The following PLEKHG4B variants were observed in gnomAD, a reference collection of about 807,000 sequenced individuals.
PLEKHG4B encodes pleckstrin homology domain-containing family G member 4B.
In PLEKHG4B, 111 loss-of-function variants were observed where a neutral mutation model predicts 121.3. The observed-to-expected ratio is 0.92, with a 90% CI of 0.78 to 1.07. The LOEUF (loss-of-function observed/expected upper bound fraction) is 1.07, where lower values mean the gene tolerates loss of function less well. PLEKHG4B is among the 50% of genes least tolerant of loss of function. PLEKHG4B has a pLI of 0.00. For synonymous variants in PLEKHG4B, 738 were observed against 725.0 expected (o/e 1.02, Z -0.29); for missense variants, 1,831 against 1,757.8 (o/e 1.04, Z -0.74).
intron 2 of PLEKHG4B, among the ~76,000 whole-genome samples, chr5:126,508 A>G (rs11738334): frequency 0.065 from 9,910 of 152,262 alleles, 452 homozygotes; most frequent in Non-Finnish European, 0.091. Context: ...TCTACTATCA[A>G]GTCTTTTCCA....
chr5:117,871 A>G (rs1240775345), intron 2 of PLEKHG4B, among the ~76,000 whole-genome samples: 1 of 152,200 alleles, frequency 6.6e-6, no homozygotes, highest in African/African-American at 2.4e-5. Flanking sequence ...AAAAACGTTT[A>G]GGGAAAAGTA....
chr5:124,483 A>G (rs1229072494), intron 2 of PLEKHG4B, among the ~76,000 whole-genome samples: 1 of 152,202 alleles, frequency 6.6e-6, no homozygotes, highest in African/African-American at 2.4e-5. Context: ...ACAGTGAGGT[A>G]TTGAAGTCTC....
intron 6 of PLEKHG4B, among the ~76,000 whole-genome samples, chr5:147,826 T>C (rs532800804): frequency 6.6e-6 from 1 of 152,272 alleles, no homozygotes; most frequent in East Asian, 1.9e-4. Flanking sequence ...TGAAGGTTGA[T>C]GCCAAAATCA....
chr5:176,000 C>T (rs1301156483), intron 18 of PLEKHG4B, among the ~76,000 whole-genome samples: 2 of 112,434 alleles, frequency 1.8e-5, no homozygotes, highest in East Asian at 2.3e-4. Flanking sequence ...GGCTCCTGCA[C>T]GGCTGCACCC....
chr5:109,340 T>C (rs1734067127), intron 1 of PLEKHG4B, among the ~76,000 whole-genome samples: 2 of 139,740 alleles, frequency 1.4e-5, no homozygotes. Flanking sequence ...GAGGTTGCAG[T>C]GAGCCTAGAT....
At position 159,252 on chromosome 5, in the gene PLEKHG4B, T is replaced by C. The variant is rs419956; in HGVS notation, c.2487+2341T>C. Among the ~76,000 whole-genome samples the C allele has an allele frequency of 1.3e-5, 2 of 149,452 alleles. No homozygotes were observed. Among genetic ancestry groups the C allele is most frequent in the Non-Finnish European group, 3.0e-5 (2 of 67,578 alleles). ...CAGGTGCACTGAGGGCAGGTGTGCC[T>C]GAGGGTCGCCCAGGTGCACTGAGGG... On this transcript the variant is annotated intron_variant, in intron 11 of 19. Transcript: ENST00000637938. The surrounding 1 kb of genome is among the most constrained non-coding windows in gnomAD (Gnocchi z 5.5).
At chr5:118,798 T>TTATA (rs149558716) in intron 2 of PLEKHG4B, among the ~76,000 whole-genome samples, 1 of 151,076 alleles carries the variant, frequency 6.6e-6, no homozygotes, top group Non-Finnish European at 1.5e-5. Context: ...TTGTCATATA[T>TTATA]TATATATATA....
rs7717970 is a variant in PLEKHG4B, at chr5:181,545, T to G, written c.4434T>G (p.Gly1478=). 0.63 allele frequency: 1,009,355 copies of G among 1,613,458 alleles called. 324,606 individuals carry two copies. The highest frequency in any genetic ancestry group is 0.67 in the Non-Finnish European group (789,112 of 1,179,592). ...ELRIQEMASM[G]IGNQPFMDVK... ...GAATCCAAGAAATGGCATCCATGGG[T>G]ATAGGCAACCAGCCATTCATGGATG... The change falls in exon 19 of 20, where the codon GGT becomes GGG. Residue 1478 remains glycine, a synonymous_variant. Transcript: ENST00000637938.
chr5:163,496 T>TC lies in PLEKHG4B; in HGVS notation c.3429dup (p.Ser1144LeufsTer7), dbSNP rs772507185. 1.2e-6 allele frequency: 2 copies of TC among 1,611,808 alleles called. No homozygotes were observed. Among genetic ancestry groups the TC allele is most frequent in the East Asian group, 2.2e-5 (1 of 44,854 alleles). ...GGTCACTCAGAGCCGGAGTCTGTCC[T>TC]CCCCCTCGGGGCTCCACCCTGCTGA... On this transcript the variant is annotated frameshift_variant, in exon 13 of 20. Transcript: ENST00000637938. LOFTEE classifies it high-confidence loss of function.
At chr5:154,471 CAAT>C in intron 7 of PLEKHG4B, among the ~76,000 whole-genome samples, 1 of 152,308 alleles carries the variant, frequency 6.6e-6, no homozygotes, top group East Asian at 1.9e-4. Context: ...GGTGCCCCAA[CAAT>C]GAGCCTGACT....
rs1176489832 is a variant in PLEKHG4B, at chr5:171,085, C to T, written c.3772C>T (p.Pro1258Ser). The T allele has an allele frequency of 6.2e-7, 1 of 1,613,400 alleles. No homozygotes were observed. ...GTACGTGATCTACAGCAAAAACAAG[C>T]CGCAGTCGGATGCCCTGCTCAGCAG... ...GMYVIYSKNK[P>S]QSDALLSSHG... The change falls in exon 15 of 20, where the codon CCG becomes TCG. Residue 1258 changes from proline (P) to serine (S), a missense_variant. Coordinates refer to ENST00000637938, the MANE Select transcript of PLEKHG4B (RefSeq NM_052909.5).
intron 2 of PLEKHG4B, among the ~76,000 whole-genome samples, chr5:124,891 T>G (rs1266734886): frequency 6.6e-6 from 1 of 152,158 alleles, no homozygotes; most frequent in Non-Finnish European, 1.5e-5. Context: ...CCCAGCAGTT[T>G]GGGAGGCCAA....
rs557661878 is a variant in PLEKHG4B, at chr5:157,717, T to C, written c.2487+806T>C. On this transcript the variant is annotated intron_variant, in intron 11 of 19. Transcript: ENST00000637938. The surrounding 1 kb of genome is among the most constrained non-coding windows in gnomAD (Gnocchi z 4.6). ...AAGGGGTGCACACTCAGATAAAAAG[T>C]TTCTTTCTTTTCTCACATATAAACT... Among the ~76,000 whole-genome samples the C allele has an allele frequency of 6.6e-6, 1 of 152,320 alleles. No homozygotes were observed. The highest frequency in any genetic ancestry group is 2.4e-5 in the African/African-American group (1 of 41,576).
chr5:168,126 C>T (rs1408801257), intron 13 of PLEKHG4B, among the ~76,000 whole-genome samples: 1 of 152,202 alleles, frequency 6.6e-6, no homozygotes, highest in African/African-American at 2.4e-5. Flanking sequence ...GAGCCCACAT[C>T]TCCTGCAGAT....
rs777931749 is a variant in PLEKHG4B, at chr5:171,292, G to A, written c.3898G>A (p.Ala1300Thr). 6.8e-6 allele frequency: 11 copies of A among 1,612,188 alleles called. No individual in the cohort carries two copies. Among genetic ancestry groups the A allele is most frequent in the South Asian group, 5.5e-5 (5 of 90,962 alleles). Residue 1300 changes from alanine (A) to threonine (T), a missense_variant, in exon 16 of 20, where the codon GCG (alanine) becomes ACG (threonine). Transcript: ENST00000637938. The part of the protein sequence containing the change: ...LRPVQRVAKY[A>T]LLLQDLLKEA... ...GCCCGTGCAGCGTGTGGCCAAGTACGCGCTGCTACTCCAGGACCTGCTCAA... is the reference window on the plus strand; with the variant it reads ...GCCCGTGCAGCGTGTGGCCAAGTACACGCTGCTACTCCAGGACCTGCTCAA...
chr5:165,297 C>T (rs149630016), intron 13 of PLEKHG4B, among the ~76,000 whole-genome samples: 2 of 17,534 alleles, frequency 1.1e-4, no homozygotes, highest in Admixed American at 6.0e-4. Flanking sequence ...CTCACACTAA[C>T]GCTCTGACGG....
At chr5:114,652 T>G (rs939134286) in intron 2 of PLEKHG4B, among the ~76,000 whole-genome samples, 2 of 152,202 alleles carry the variant, frequency 1.3e-5, no homozygotes, top group African/African-American at 4.8e-5. Context: ...GAGGTGGGTT[T>G]CACCATGTTG....
chr5:105,967 A>G (rs1579237996), intron 1 of PLEKHG4B, among the ~76,000 whole-genome samples: 1 of 152,288 alleles, frequency 6.6e-6, no homozygotes, highest in East Asian at 1.9e-4. Flanking sequence ...AATTTCCCTA[A>G]TTGGACGCAA....
chr5:165,211 C>G (rs1358484341), intron 13 of PLEKHG4B, among the ~76,000 whole-genome samples: 13 of 35,222 alleles, frequency 3.7e-4, no homozygotes, highest in South Asian at 1.3e-3. Flanking sequence ...GGAGCTCACA[C>G]TAATGCTCTG....
Sources: gnomAD v4.1 joint callset for allele counts (sites outside exome capture counted in the v4.1 genomes callset) on GRCh38, gnomAD v4.1.1 for gene constraint, Gnocchi (gnomAD v3.1) non-coding constraint, MANE v1.5 for transcripts, NCBI Gene and HGNC (gene_info 2026-07-23, HGNC 2026-07-21) for gene names.